MORC3: variants seen among roughly 807,000 people sequenced by gnomAD.
MORC3 encodes MORC family CW-type zinc finger protein 3.
In MORC3, 31 loss-of-function variants were observed where a neutral mutation model predicts 109.1. That is an observed-to-expected ratio of 0.28 (90% CI 0.21 to 0.38). The LOEUF is 0.38. Ranked by LOEUF, MORC3 falls within the 10% of genes least tolerant of loss-of-function variation. MORC3 has a pLI of 1.00. For synonymous variants in MORC3, 395 were observed against 380.7 expected (o/e 1.04, Z -0.44); for missense variants, 867 against 1,135.8 (o/e 0.76, Z 3.40).
intron 12 of MORC3, chr21:36,361,561 A>T (rs2146330391): frequency 1.4e-5 from 2 of 146,538 alleles, no homozygotes; most frequent in South Asian, 2.6e-4. Flanking sequence ...AAAAAAAAAA[A>T]AAAAAAAGGC....
At chr21:36,320,665 C>T (rs748590926) in intron 1 of MORC3, 13 of 220,484 alleles carry the variant, frequency 5.9e-5, no homozygotes, top group Non-Finnish European at 1.1e-4. Context: ...GTCCGCTGGG[C>T]GTCGTGGTGG....
intron 10 of MORC3, among the ~76,000 whole-genome samples, chr21:36,357,718 G>T (rs1340871936): frequency 6.7e-6 from 1 of 149,486 alleles, no homozygotes; most frequent in Admixed American, 6.7e-5. Flanking sequence ...GATTTGTTTG[G>T]TTGGTTGGTT....
In MORC3 at chr21:36,327,155, C is replaced by CTTTTT. The variant is rs71326674; in HGVS notation, c.40-6468_40-6464dup. Among the ~76,000 whole-genome samples the CTTTTT allele has an allele frequency of 6.1e-4, 50 of 81,940 alleles. 3 individuals are homozygous for CTTTTT. The highest frequency in any genetic ancestry group is 2.6e-3 in the African/African-American group (47 of 17,846). 53.8% of individuals were successfully genotyped at this position (81,940 alleles called of 152,430 possible). On this transcript the variant is annotated intron_variant, in intron 1 of 16. Coordinates refer to ENST00000400485, the MANE Select transcript of MORC3 (RefSeq NM_015358.3). Reference sequence around the variant, plus strand: ...TTAAAGATATTAATTGGCTTTATTTCTTTTTTTTTTTTTTTTTTTTTTTTT... The same window carrying CTTTTT: ...TTAAAGATATTAATTGGCTTTATTTCTTTTTTTTTTTTTTTTTTTTTTTTTTTTTT...
chr21:36,326,878 C>G (rs144331538), intron 1 of MORC3, among the ~76,000 whole-genome samples: 1 of 150,590 alleles, frequency 6.6e-6, no homozygotes. Flanking sequence ...TGCATTGGTG[C>G]GATCTCGGCT....
chr21:36,336,813 C>G (rs2085380429), intron 2 of MORC3, 61 bp from the exon 3 acceptor site: 3 of 1,492,902 alleles, frequency 2.0e-6, no homozygotes, highest in Non-Finnish European at 2.7e-6. Context: ...CAGGATTGTT[C>G]TGAACTAATT....
rs757945366 is a variant in MORC3 at position 36,333,608 on chromosome 21, AC to A, written c.40-36del. On this transcript the variant is annotated intron_variant, in intron 1 of 16. Coordinates refer to ENST00000400485, the MANE Select transcript of MORC3 (RefSeq NM_015358.3). ...ACTGGTTTTTATTTTCAAAAGTAAG[AC>A]CTGAATTAATTTACATGGACCTTTT... is the stretch of plus-strand genomic sequence containing the variant. The A allele has an allele frequency of 2.6e-6, 4 of 1,514,606 alleles. No homozygotes were observed. In the South Asian group the frequency reaches 4.6e-5, roughly 17 times the overall value. 93.8% of individuals were successfully genotyped at this position (1,514,606 alleles called of 1,614,324 possible). A position where few individuals can be genotyped will look rare whatever the true frequency, so the allele number is the denominator to read the frequency against.
In MORC3 at chr21:36,356,603, A is replaced by G. The variant is rs372465676; in HGVS notation, c.1104-17A>G. 412 of 1,534,006 alleles carry G rather than the reference A, an allele frequency of 2.7e-4. 1 individual carries two copies. The African/African-American group carries it at 5.0e-3, about 19-fold the overall frequency. Reference sequence around the variant, plus strand: ...TTGAAAAGAATTTTTTCTTGATTTTATGATTTACTTTTTAAGACTTACAAT... The same window carrying G: ...TTGAAAAGAATTTTTTCTTGATTTTGTGATTTACTTTTTAAGACTTACAAT... On this transcript the variant is annotated splice_polypyrimidine_tract_variant and intron_variant, in intron 9 of 16. Coordinates refer to ENST00000400485, the MANE Select transcript of MORC3 (RefSeq NM_015358.3).
chr21:36,337,064 A>G, intron 3 of MORC3, 58 bp downstream of exon 3: 5 of 1,568,052 alleles, frequency 3.2e-6, no homozygotes, highest in South Asian at 2.3e-5. Flanking sequence ...AGGGTTTTCC[A>G]TGCCATACTT....
At chr21:36,350,309 G>GA (rs1354172118) in intron 9 of MORC3, among the ~76,000 whole-genome samples, 7 of 151,292 alleles carry the variant, frequency 4.6e-5, no homozygotes, top group Non-Finnish European at 1.0e-4. Context: ...CCCGTCTCAG[G>GA]AAAAAAAAGA....
At chr21:36,364,686 A>T (rs913833145) in intron 14 of MORC3, among the ~76,000 whole-genome samples, 1 of 151,904 alleles carries the variant, frequency 6.6e-6, no homozygotes, top group African/African-American at 2.4e-5. Context: ...GTAGAGTTTG[A>T]TCGCATTCTC....
chr21:36,341,571 A>T (rs2146304755), intron 6 of MORC3, 25 bp downstream of exon 6: 1 of 1,612,896 alleles, frequency 6.2e-7, no homozygotes, highest in East Asian at 2.2e-5. Flanking sequence ...CTCTTTGTGG[A>T]AGTGAGAAAA....
At chr21:36,374,496 A>G (rs2085907110) in intron 16 of MORC3, among the ~76,000 whole-genome samples, 1 of 151,172 alleles carries the variant, frequency 6.6e-6, no homozygotes, top group South Asian at 2.2e-4. Flanking sequence ...CTTATAGAAC[A>G]TGTTTTAGAT....
chr21:36,356,673 A>G lies in MORC3; in HGVS notation c.1157A>G (p.Lys386Arg), dbSNP rs777871401. ...EKLNDYWNEMKVKKNTEYPLN... is the reference protein window; with the variant it reads ...EKLNDYWNEMRVKKNTEYPLN... ...CTGAATGATTACTGGAATGAAATGAAAGTGAAGAAAAATACAGAATATCCT... is the reference window on the plus strand; with the variant it reads ...CTGAATGATTACTGGAATGAAATGAGAGTGAAGAAAAATACAGAATATCCT... The change falls in exon 10 of 17, where the codon AAA becomes AGA. Residue 386 changes from lysine to arginine, a missense_variant. By Grantham distance (26) the Lys-to-Arg change is conservative. Coordinates refer to ENST00000400485, the MANE Select transcript of MORC3 (RefSeq NM_015358.3). The G allele has an allele frequency of 6.2e-7, 1 of 1,608,872 alleles. No individual in the cohort carries two copies. The highest frequency in any genetic ancestry group is 8.5e-7 in the Non-Finnish European group (1 of 1,177,740).
At chr21:36,373,495 C>G (rs2085893633) in intron 16 of MORC3, among the ~76,000 whole-genome samples, 1 of 151,860 alleles carries the variant, frequency 6.6e-6, no homozygotes, top group African/African-American at 2.4e-5. Flanking sequence ...TGGTGGTGCA[C>G]ACCTGTAACC....
At chr21:36,329,926 G>C (rs192761978) in intron 1 of MORC3, among the ~76,000 whole-genome samples, 1 of 151,580 alleles carries the variant, frequency 6.6e-6, no homozygotes, top group Non-Finnish European at 1.5e-5. Flanking sequence ...GCAATGACCT[G>C]ATCTCAGCTC....
chr21:36,366,488 T>C (rs1052473517), intron 14 of MORC3, among the ~76,000 whole-genome samples: 1 of 152,118 alleles, frequency 6.6e-6, no homozygotes, highest in African/African-American at 2.4e-5. Context: ...AACAGAGTCT[T>C]TCTCTGTCAC....
At chr21:36,351,505 C>T (rs961104847) in intron 9 of MORC3, among the ~76,000 whole-genome samples, 3 of 152,150 alleles carry the variant, frequency 2.0e-5, no homozygotes, top group Non-Finnish European at 2.9e-5. Context: ...TTTTAGCTCT[C>T]AGATATGGAT....
At chr21:36,344,222 A>G (rs1259783466) in intron 6 of MORC3, among the ~76,000 whole-genome samples, 1 of 151,828 alleles carries the variant, frequency 6.6e-6, no homozygotes, top group Non-Finnish European at 1.5e-5. Context: ...CCGCCTCCAT[A>G]CTTGACAGAA....
chr21:36,351,908 C>G (rs981956590), intron 9 of MORC3, among the ~76,000 whole-genome samples: 2 of 152,110 alleles, frequency 1.3e-5, no homozygotes, highest in Non-Finnish European at 2.9e-5. Flanking sequence ...CAGCACTGTT[C>G]ACAGTAGTCA....
Sources: allele counts gnomAD v4.1 joint callset (sites outside exome capture counted in the v4.1 genomes callset), GRCh38; gene constraint gnomAD v4.1.1; transcripts MANE v1.5; gene names NCBI Gene and HGNC (gene_info 2026-07-23, HGNC 2026-07-21).